DGKK: variants seen among roughly 807,000 people sequenced by gnomAD.
The protein encoded by DGKK is diacylglycerol kinase kappa, also known as 142 kDa diacylglycerol kinase.
DGKK carries 35 observed loss-of-function variants against 92.2 expected under a neutral mutation model. The observed-to-expected ratio is 0.38, with a 90% CI of 0.29 to 0.50. The LOEUF (loss-of-function observed/expected upper bound fraction) is 0.50. Ranked by LOEUF, DGKK falls within the 20% of genes least tolerant of loss-of-function variation. The probability of loss-of-function intolerance (pLI) is 0.92; values close to 1 mark genes in which losing one functional copy is unlikely to be tolerated. For missense variants in DGKK, 910 were observed against 992.2 expected, an observed-to-expected ratio of 0.92 and a Z score of 1.11; for synonymous variants, 368 against 360.6, an observed-to-expected ratio of 1.02 and a Z score of -0.23.
intron 1 of DGKK, among the ~76,000 whole-genome samples, chrX:50,443,745 T>G (rs1388316765): frequency 9.3e-6 from 1 of 107,394 alleles, no homozygotes; most frequent in Non-Finnish European, 1.9e-5. Flanking sequence ...TGTAGCTCTA[T>G]GCAATTTTAT....
intron 1 of DGKK, among the ~76,000 whole-genome samples, chrX:50,462,019 T>C (rs911455142): frequency 9.0e-6 from 1 of 111,558 alleles, no homozygotes; most frequent in Non-Finnish European, 1.9e-5. Context: ...TGGTAGTTAA[T>C]AGCAAGAGTG....
chrX:50,387,991 A>G (rs1924592340), intron 13 of DGKK, among the ~76,000 whole-genome samples: 1 of 112,104 alleles, frequency 8.9e-6, no homozygotes, highest in Admixed American at 9.4e-5. Context: ...TCAATCAGCT[A>G]TGTTTCAAGG....
intron 1 of DGKK, among the ~76,000 whole-genome samples, chrX:50,430,639 G>A (rs1288832748): frequency 9.0e-6 from 1 of 111,390 alleles, no homozygotes; most frequent in Non-Finnish European, 1.9e-5. Flanking sequence ...CCAAAACCAT[G>A]GCAGCCCTTG....
chrX:50,465,362 T>C (rs1362701669), intron 1 of DGKK, among the ~76,000 whole-genome samples: 1 of 110,590 alleles, frequency 9.0e-6, no homozygotes, highest in Non-Finnish European at 1.9e-5. Flanking sequence ...AATTTGTTTT[T>C]ATTATTTTGA....
chrX:50,407,548 C>T (rs1357153467), intron 4 of DGKK, among the ~76,000 whole-genome samples: 1 of 110,840 alleles, frequency 9.0e-6, no homozygotes, highest in East Asian at 2.9e-4. Context: ...TATTATAAGG[C>T]CACTAATCCT....
At chrX:50,424,733 T>A (rs781798332) in intron 1 of DGKK, among the ~76,000 whole-genome samples, 5 of 111,711 alleles carry the variant, frequency 4.5e-5, no homozygotes, top group Non-Finnish European at 9.4e-5. Context: ...GTCTCCAGAT[T>A]GTAGCTCCAG....
At position 50,368,678 on chromosome X, in the gene DGKK, A is replaced by C. The variant is rs1207202632; in HGVS notation, c.*262T>G. 1 of 310,925 alleles carries C rather than the reference A, an allele frequency of 3.2e-6. No individual in the cohort carries two copies. The highest frequency in any genetic ancestry group is 2.7e-5 in the African/African-American group (1 of 37,574). 25.6% of individuals were successfully genotyped at this position (310,925 alleles called of 1,213,427 possible). A position where few individuals can be genotyped will look rare whatever the true frequency, so the allele number is the denominator to read the frequency against. ...ATTCATAAAGAGCTTATCCCAATAA[A>C]TACTGTAGTTGCTCAAGATGCACAA... On this transcript the variant is annotated 3_prime_UTR_variant, in exon 28 of 28. Coordinates refer to ENST00000611977, the MANE Select transcript of DGKK (RefSeq NM_001013742.4).
intron 1 of DGKK, among the ~76,000 whole-genome samples, chrX:50,427,987 G>A (rs1213297924): frequency 2.7e-5 from 3 of 110,656 alleles, no homozygotes; most frequent in African/African-American, 9.8e-5. Flanking sequence ...CAAAAGCTCT[G>A]TCTGCACCCT....
At chrX:50,450,456 T>C (rs781816678) in intron 1 of DGKK, among the ~76,000 whole-genome samples, 1 of 112,129 alleles carries the variant, frequency 8.9e-6, no homozygotes, top group African/African-American at 3.2e-5. Context: ...AGTGGCAGCT[T>C]TCCACTGTAT....
At chrX:50,379,870 T>C in intron 19 of DGKK, 111 bp downstream of exon 19, 1 of 914,875 alleles carries the variant, frequency 1.1e-6, no homozygotes, top group Non-Finnish European at 1.6e-6. Context: ...TCCCATGAGC[T>C]GTGAGGATCA....
rs1569545082 is a variant in DGKK at position 50,447,405 on chromosome X, A to AT, written c.645+22628dup. ...TATAATATATATATATTATATATATATATAATATATATATATATATATTAT... is the reference window on the plus strand; with the variant it reads ...TATAATATATATATATTATATATATATTATAATATATATATATATATATTAT... On this transcript the variant is annotated intron_variant, in intron 1 of 27. Coordinates refer to ENST00000611977, the MANE Select transcript of DGKK (RefSeq NM_001013742.4). Among the ~76,000 whole-genome samples the AT allele has an allele frequency of 7.2e-4, 32 of 44,451 alleles. 6 individuals carry two copies. Among genetic ancestry groups the AT allele is most frequent in the African/African-American group, 2.9e-3 (32 of 11,028 alleles). 38.6% of individuals were successfully genotyped at this position (44,451 alleles called of 115,157 possible).
intron 8 of DGKK, among the ~76,000 whole-genome samples, chrX:50,400,077 T>C (rs1426491389): frequency 1.8e-5 from 2 of 112,056 alleles, no homozygotes; most frequent in Admixed American, 9.5e-5. Flanking sequence ...TCACAATAGA[T>C]AGCTTCATTC....
chrX:50,456,038 A>G (rs1926602679), intron 1 of DGKK, among the ~76,000 whole-genome samples: 1 of 111,925 alleles, frequency 8.9e-6, no homozygotes, highest in Non-Finnish European at 1.9e-5. Context: ...GTACAACTTT[A>G]TGTGGTCATC....
Position 50,470,052 on chromosome X carries a change from C to T in DGKK, c.627G>A (p.Met209Ile), listed in dbSNP as rs1927015500. The part of the protein sequence containing the change: ...PSPSPSPRTP[M>I]SWSRIKKILK... The stretch of plus-strand genomic sequence containing the variant: ...TGCTTACCTTTATTCTGGACCACGA[C>T]ATTGGCGTTCTGGGCGATGGCGATG... Residue 209 changes from methionine to isoleucine, a missense_variant, in exon 1 of 28, where the codon ATG becomes ATA. Transcript: ENST00000611977. 1.7e-6 allele frequency: 2 copies of T among 1,204,301 alleles called. No individual in the cohort carries two copies. The highest frequency in any genetic ancestry group is 2.2e-6 in the Non-Finnish European group (2 of 892,621).
intron 1 of DGKK, among the ~76,000 whole-genome samples, chrX:50,433,254 G>A (rs1450801380): frequency 2.7e-5 from 3 of 112,003 alleles, no homozygotes; most frequent in Non-Finnish European, 5.6e-5. Flanking sequence ...CGTGACCTTA[G>A]TAATGAGTAA....
At chrX:50,392,254 G>T in intron 10 of DGKK, 87 bp downstream of exon 10, 1 of 659,348 alleles carries the variant, frequency 1.5e-6, no homozygotes, top group Non-Finnish European at 2.4e-6. Context: ...AGACAGGGAG[G>T]GCGAAGACTT....
At chrX:50,409,246 G>C (rs782389716) in intron 4 of DGKK, among the ~76,000 whole-genome samples, 2 of 108,992 alleles carry the variant, frequency 1.8e-5, no homozygotes, top group South Asian at 8.3e-4. Context: ...TGAAGGCAGA[G>C]ATTGGAGTGA....
chrX:50,461,344 C>T (rs1926740185), intron 1 of DGKK, among the ~76,000 whole-genome samples: 1 of 112,100 alleles, frequency 8.9e-6, no homozygotes, highest in Admixed American at 9.4e-5. Context: ...GCCCGAGACA[C>T]AATTGTGCAT....
At chrX:50,468,705 C>T (rs1926972401) in intron 1 of DGKK, among the ~76,000 whole-genome samples, 1 of 111,331 alleles carries the variant, frequency 9.0e-6, no homozygotes, top group East Asian at 2.8e-4. Context: ...GCAACCAATG[C>T]TTCCATTTCG....
Sources: gnomAD v4.1 joint callset for allele counts (sites outside exome capture counted in the v4.1 genomes callset) on GRCh38, gnomAD v4.1.1 for gene constraint, MANE v1.5 for transcripts, NCBI Gene and HGNC (gene_info 2026-07-23, HGNC 2026-07-21) for gene names.